Variants in WWOX observed in about 807,000 individuals in gnomAD.
WWOX encodes the protein WW domain-containing oxidoreductase.
Under a neutral mutation model 46.2 loss-of-function variants are expected in WWOX, and 69 were observed. The ratio of observed to expected loss-of-function variants is 1.49; its 90% CI spans 1.23 to 1.82. The LOEUF (loss-of-function observed/expected upper bound fraction) is 1.82. WWOX is among the 40% of genes most tolerant of loss of function. The probability of loss-of-function intolerance (pLI) is 0.00; values close to 1 mark genes in which losing one functional copy is unlikely to be tolerated. For missense variants in WWOX, 919 were observed against 542.6 expected (o/e 1.69, Z -6.89); for synonymous variants, 359 against 202.6 (o/e 1.77, Z -6.56).
chr16:78,767,092 C>T (rs986460467), intron 8 of WWOX, among the ~76,000 whole-genome samples: 1 of 129,000 alleles, frequency 7.8e-6, no homozygotes, highest in Non-Finnish European at 1.6e-5. Context: ...TTCTCTCTCT[C>T]CTTTCCTCCC....
chr16:79,036,733 C>A (rs551045547), intron 8 of WWOX, among the ~76,000 whole-genome samples: 1 of 152,120 alleles, frequency 6.6e-6, no homozygotes, highest in African/African-American at 2.4e-5. Flanking sequence ...CTGCAGTGAG[C>A]GAAGGATTGG....
intron 5 of WWOX, among the ~76,000 whole-genome samples, chr16:78,377,532 T>A (rs115538058): frequency 6.6e-6 from 1 of 152,126 alleles, no homozygotes; most frequent in Non-Finnish European, 1.5e-5. Flanking sequence ...AATGAAAAAT[T>A]CACTATGAAA....
intron 8 of WWOX, among the ~76,000 whole-genome samples, chr16:78,857,672 G>A (rs560606523): frequency 1.3e-5 from 2 of 152,164 alleles, no homozygotes; most frequent in East Asian, 3.9e-4. Context: ...CCTCCACCAA[G>A]GCTGAATCTT....
intron 8 of WWOX, among the ~76,000 whole-genome samples, chr16:78,941,827 A>G (rs903951334): frequency 3.3e-5 from 5 of 152,192 alleles, no homozygotes; most frequent in African/African-American, 9.6e-5. Flanking sequence ...TTGTGCTTTT[A>G]CTACTATTTT....
chr16:78,827,092 C>T (rs1003651034), intron 8 of WWOX, among the ~76,000 whole-genome samples: 1 of 152,142 alleles, frequency 6.6e-6, no homozygotes. Flanking sequence ...TGGTCACAAA[C>T]CTGCTCTCCT....
intron 8 of WWOX, among the ~76,000 whole-genome samples, chr16:79,198,384 A>G (rs754849404): frequency 6.6e-6 from 1 of 152,110 alleles, no homozygotes; most frequent in African/African-American, 2.4e-5. Context: ...AAAACAAGTA[A>G]AGAAAATAAA....
chr16:78,204,378 A>G (rs751798759), intron 5 of WWOX, among the ~76,000 whole-genome samples: 30 of 152,258 alleles, frequency 2.0e-4, no homozygotes, highest in Admixed American at 3.3e-4. Flanking sequence ...GGGGTATCCA[A>G]CCCCTCAAAC....
At chr16:79,043,944 C>T (rs1377191810) in intron 8 of WWOX, among the ~76,000 whole-genome samples, 1 of 152,188 alleles carries the variant, frequency 6.6e-6, no homozygotes, top group Non-Finnish European at 1.5e-5. Flanking sequence ...CCTTTCTGGT[C>T]ACTTGTCTTC....
intron 5 of WWOX, among the ~76,000 whole-genome samples, chr16:78,190,405 C>G (rs2035848457): frequency 1.3e-5 from 2 of 152,172 alleles, no homozygotes; most frequent in South Asian, 4.1e-4. Context: ...CCGCTTTGTG[C>G]TGGAGCAAGT....
chr16:78,459,886 T>C (rs1258710005), intron 8 of WWOX, among the ~76,000 whole-genome samples: 4 of 150,798 alleles, frequency 2.7e-5, no homozygotes, highest in African/African-American at 9.7e-5. Context: ...CTCACTGCAG[T>C]CTTGACCACC....
chr16:78,157,911 G>A (rs1006200286), intron 4 of WWOX, among the ~76,000 whole-genome samples: 6 of 152,204 alleles, frequency 3.9e-5, no homozygotes, highest in East Asian at 1.9e-4. Context: ...CAAAAAGCAG[G>A]CAACTAACAT....
intron 8 of WWOX, among the ~76,000 whole-genome samples, chr16:79,024,052 C>T (rs1404144198): frequency 2.0e-5 from 3 of 152,282 alleles, no homozygotes; most frequent in East Asian, 1.9e-4. Flanking sequence ...CTAGAATAGG[C>T]ACCTCCAAAG....
chr16:78,477,344 A>C (rs1252460414), intron 8 of WWOX, among the ~76,000 whole-genome samples: 1 of 152,172 alleles, frequency 6.6e-6, no homozygotes, highest in Non-Finnish European at 1.5e-5. Flanking sequence ...TAAATCCTTT[A>C]ATTGAATTTC....
chr16:78,677,922 C>G (rs1454685184), intron 8 of WWOX, among the ~76,000 whole-genome samples: 1 of 152,206 alleles, frequency 6.6e-6, no homozygotes, highest in African/African-American at 2.4e-5. Flanking sequence ...CCGTTCCACT[C>G]CTACAAATCT....
At chr16:78,856,902 A>G (rs2052579843) in intron 8 of WWOX, among the ~76,000 whole-genome samples, 1 of 152,336 alleles carries the variant, frequency 6.6e-6, no homozygotes, top group African/African-American at 2.4e-5. Context: ...CCTAGATGGT[A>G]TAACCTGCCA....
chr16:78,758,100 T>G (rs1249729710), intron 8 of WWOX, among the ~76,000 whole-genome samples: 1 of 152,134 alleles, frequency 6.6e-6, no homozygotes, highest in African/African-American at 2.4e-5. Flanking sequence ...AATGTTGAAA[T>G]TTTTCTTTAA....
chr16:78,110,691 G>C (rs1051707428), intron 3 of WWOX, among the ~76,000 whole-genome samples: 1 of 152,136 alleles, frequency 6.6e-6, no homozygotes, highest in African/African-American at 2.4e-5. Context: ...AGCCAGGCCT[G>C]ATTCTAATCA....
At chr16:78,716,991 T>G (rs13330253) in intron 8 of WWOX, among the ~76,000 whole-genome samples, 2 of 152,176 alleles carry the variant, frequency 1.3e-5, no homozygotes, top group African/African-American at 2.4e-5. Context: ...GTCGTAAAAT[T>G]AGGCTAATAA....
At chr16:78,756,439 TC>T (rs934374491) in intron 8 of WWOX, among the ~76,000 whole-genome samples, 4 of 152,162 alleles carry the variant, frequency 2.6e-5, no homozygotes, top group African/African-American at 9.7e-5. Context: ...GCTCCCTCAG[TC>T]TGGGATTCCA....
Sources: allele counts gnomAD v4.1 joint callset (sites outside exome capture counted in the v4.1 genomes callset), GRCh38; gene constraint gnomAD v4.1.1; transcripts MANE v1.5; gene names NCBI Gene and HGNC (gene_info 2026-07-23, HGNC 2026-07-21).